Variants in ASIC2 observed in about 807,000 individuals in gnomAD.
ASIC2 encodes the protein acid-sensing ion channel 2.
ASIC2 carries 25 observed loss-of-function variants against 57.3 expected under a neutral mutation model. That is an observed-to-expected ratio of 0.44 (90% CI 0.32 to 0.61). The LOEUF (loss-of-function observed/expected upper bound fraction) is 0.61, where lower values mean the gene tolerates loss of function less well. Ranked by LOEUF, ASIC2 falls within the 20% of genes least tolerant of loss-of-function variation. The pLI is 0.06. For missense variants in ASIC2, 641 were observed against 738.1 expected (o/e 0.87, Z 1.52); for synonymous variants, 319 against 307.5 (o/e 1.04, Z -0.39).
At chr17:33,645,989 C>T (rs922713051) in intron 1 of ASIC2, among the ~76,000 whole-genome samples, 3 of 152,140 alleles carry the variant, frequency 2.0e-5, no homozygotes, top group Non-Finnish European at 4.4e-5. Flanking sequence ...TAAGCAAACT[C>T]ATCAGTGGTG....
intron 1 of ASIC2, among the ~76,000 whole-genome samples, chr17:34,126,884 G>A (rs530116084): frequency 5.3e-4 from 80 of 152,270 alleles, no homozygotes; most frequent in Non-Finnish European, 9.4e-4. Context: ...GCTAGTGCGT[G>A]AACCATGTGC....
intron 1 of ASIC2, among the ~76,000 whole-genome samples, chr17:33,213,812 G>A (rs1907371491): frequency 6.6e-6 from 1 of 152,162 alleles, no homozygotes; most frequent in South Asian, 2.1e-4. Flanking sequence ...TTGACGCAAG[G>A]TTTAATGAGA....
At chr17:33,467,068 T>C (rs1315516641) in intron 1 of ASIC2, among the ~76,000 whole-genome samples, 1 of 152,086 alleles carries the variant, frequency 6.6e-6, no homozygotes, top group Non-Finnish European at 1.5e-5. Flanking sequence ...ACCTACAGAA[T>C]GGGAGAAAAT....
chr17:34,013,116 T>C (rs1906831119), intron 1 of ASIC2, among the ~76,000 whole-genome samples: 1 of 152,162 alleles, frequency 6.6e-6, no homozygotes, highest in Non-Finnish European at 1.5e-5. Context: ...TGGAATCAGA[T>C]GTGCCTGGGA....
intron 1 of ASIC2, among the ~76,000 whole-genome samples, chr17:33,619,055 C>T (rs1215852829): frequency 6.6e-6 from 1 of 152,036 alleles, no homozygotes; most frequent in East Asian, 1.9e-4. Context: ...TATGATAGAC[C>T]ATAAGGCATA....
intron 1 of ASIC2, among the ~76,000 whole-genome samples, chr17:33,248,503 C>A (rs921590434): frequency 6.6e-6 from 1 of 152,162 alleles, no homozygotes; most frequent in African/African-American, 2.4e-5. Context: ...GCTGCTGTAA[C>A]AAATTACTAT....
Position 33,615,293 on chromosome 17 carries a change from T to G in ASIC2, c.556-503226A>C, listed in dbSNP as rs535403699. Among the ~76,000 whole-genome samples, 14 of 152,338 alleles carry G rather than the reference T, an allele frequency of 9.2e-5. No individual in the cohort carries two copies. In the East Asian group the frequency reaches 2.7e-3, roughly 29 times the overall value. ...TGTGATAACTTGTATAGGCAGTACT[T>G]AAAAGTACCTGTTATTTCCTTGTTC... On this transcript the variant is annotated intron_variant, in intron 1 of 9. Coordinates refer to the ASIC2 transcript ENST00000359872.
intron 1 of ASIC2, among the ~76,000 whole-genome samples, chr17:33,460,362 A>C (rs557916919): frequency 7.2e-5 from 11 of 152,260 alleles, no homozygotes; most frequent in African/African-American, 2.4e-4. Flanking sequence ...GCATACAAGG[A>C]AGCTGGGAGG....
At chr17:33,279,264 G>C (rs1904840833) in intron 1 of ASIC2, among the ~76,000 whole-genome samples, 1 of 152,134 alleles carries the variant, frequency 6.6e-6, no homozygotes, top group African/African-American at 2.4e-5. Context: ...TCAGATCTCA[G>C]GCATCCTTCC....
At position 33,323,302 on chromosome 17, in the gene ASIC2, GAATA is replaced by G. The variant is rs1419991084; in HGVS notation, c.556-211239_556-211236del. On this transcript the variant is annotated intron_variant, in intron 1 of 9. Transcript: ENST00000359872. ...GCTGAGGTGACCTTCCATGCAGAAT[GAATA>G]AATAAATTGCGGTATAGTCATACAG... is the stretch of plus-strand genomic sequence containing the variant. 9.8e-5 allele frequency among the ~76,000 whole-genome samples: 15 copies of G among 152,314 alleles called. No individual in the cohort carries two copies. The East Asian group carries it at 2.9e-3, about 29-fold the overall frequency.
chr17:34,120,529 G>C (rs1911577765), intron 1 of ASIC2, among the ~76,000 whole-genome samples: 1 of 151,746 alleles, frequency 6.6e-6, no homozygotes, highest in Non-Finnish European at 1.5e-5. Context: ...CATATTTCAG[G>C]GGGTAGGGGA....
At chr17:33,523,793 G>A (rs921232896) in intron 1 of ASIC2, among the ~76,000 whole-genome samples, 1 of 152,100 alleles carries the variant, frequency 6.6e-6, no homozygotes. Flanking sequence ...ATCTACTCAC[G>A]GCTGATGTAG....
At chr17:33,298,908 A>T (rs564467246) in intron 1 of ASIC2, among the ~76,000 whole-genome samples, 1 of 152,296 alleles carries the variant, frequency 6.6e-6, no homozygotes, top group East Asian at 1.9e-4. Flanking sequence ...CTTCAAGGAG[A>T]ACTACAAACC....
At chr17:33,894,812 C>T (rs1388756266) in intron 1 of ASIC2, among the ~76,000 whole-genome samples, 2 of 152,136 alleles carry the variant, frequency 1.3e-5, no homozygotes, top group Non-Finnish European at 2.9e-5. Flanking sequence ...GCCTTGGTCT[C>T]CCCAGCAGTC....
At chr17:33,098,808 A>C (rs2141975008) in intron 2 of ASIC2, among the ~76,000 whole-genome samples, 1 of 152,084 alleles carries the variant, frequency 6.6e-6, no homozygotes, top group South Asian at 2.1e-4. Flanking sequence ...ACCAAGGAGG[A>C]CCAAATCGGA....
intron 1 of ASIC2, among the ~76,000 whole-genome samples, chr17:33,845,409 G>T (rs964284451): frequency 6.6e-6 from 1 of 152,118 alleles, no homozygotes; most frequent in African/African-American, 2.4e-5. Flanking sequence ...ACCTGTAAAC[G>T]CAGCATTGAA....
Position 34,009,804 on chromosome 17 carries a change from C to A in ASIC2, c.555+146174G>T, listed in dbSNP as rs377230098. 1.5e-3 allele frequency among the ~76,000 whole-genome samples: 235 copies of A among 152,304 alleles called. 1 individual carries two copies. The highest frequency in any genetic ancestry group is 5.6e-3 in the African/African-American group (232 of 41,568). ...ATTTGGGGATTGGAATGAGCTAGAG[C>A]TTTCAGAACCCCAGCCTTATTTCTC... On this transcript the variant is annotated intron_variant, in intron 1 of 9. Coordinates refer to the ASIC2 transcript ENST00000359872.
chr17:33,250,494 A>AGAAGAGG (rs1908844113), intron 1 of ASIC2, among the ~76,000 whole-genome samples: 1 of 152,220 alleles, frequency 6.6e-6, no homozygotes, highest in African/African-American at 2.4e-5. Flanking sequence ...GAGTAGAACA[A>AGAAGAGG]GAAGAGGCCT....
chr17:34,156,630 G>T lies in ASIC2; in HGVS notation c.-98C>A. The T allele has an allele frequency of 7.7e-7, 1 of 1,306,438 alleles. No individual in the cohort carries two copies. The highest frequency in any genetic ancestry group is 1.5e-5 in the South Asian group (1 of 65,974). 80.9% of individuals were successfully genotyped at this position (1,306,438 alleles called of 1,614,324 possible). A position where few individuals can be genotyped will look rare whatever the true frequency, so the allele number is the denominator to read the frequency against. On this transcript the variant is annotated 5_prime_UTR_variant, in exon 1 of 10. Coordinates refer to the ASIC2 transcript ENST00000359872. This position sits in a 1 kb window ranked among gnomAD's most constrained non-coding sequence, Gnocchi z 4.4. ...TCTGCTTAAACCTTGACGTTCAGGG[G>T]AGAGAACGCAAGGCAAGCATCGCGC...
Sources: gnomAD v4.1 joint callset for allele counts (sites outside exome capture counted in the v4.1 genomes callset) on GRCh38, gnomAD v4.1.1 for gene constraint, Gnocchi (gnomAD v3.1) non-coding constraint, MANE v1.5 for transcripts, NCBI Gene and HGNC (gene_info 2026-07-23, HGNC 2026-07-21) for gene names.